RPL3: variants seen among roughly 807,000 people sequenced by gnomAD.
RPL3 encodes ribosomal protein L3.
A neutral mutation model predicts 46.0 loss-of-function variants in RPL3; 3 were observed. The ratio of observed to expected loss-of-function variants is 0.07; its 90% CI spans 0.03 to 0.17. The LOEUF (loss-of-function observed/expected upper bound fraction) is 0.17, where lower values mean the gene tolerates loss of function less well. Ranked by LOEUF, RPL3 falls within the 10% of genes least tolerant of loss-of-function variation. The pLI, the probability that RPL3 is intolerant of heterozygous loss-of-function variation, is 1.00. For missense variants in RPL3, 387 were observed against 532.7 expected, an observed-to-expected ratio of 0.73 and a Z score of 2.69; for synonymous variants, 224 against 190.8, an observed-to-expected ratio of 1.17 and a Z score of -1.43.
intron 2 of RPL3, chr22:39,318,112 C>A: frequency 2.4e-6 from 1 of 421,316 alleles, no homozygotes; most frequent in Non-Finnish European, 4.3e-6. Flanking sequence ...CAGCTCCAAC[C>A]CCCCACACTA....
chr22:39,317,014 G>A (rs537618156), intron 3 of RPL3, 173 bp from the exon 4 acceptor site: 36 of 901,168 alleles, frequency 4.0e-5, no homozygotes, highest in South Asian at 1.6e-4. Context: ...GGGCAGAGCC[G>A]AGCGGAGCTG....
rs1331366022 is a variant in RPL3, at chr22:39,315,668, ACT to A, written c.502-115_502-114del. ...TCAAGCACACGGCAAAAAGCCAGTA[ACT>A]CTGAACAAGTCACTGAACCTCACCA... On this transcript the variant is annotated intron_variant, in intron 4 of 9. Transcript: ENST00000216146. 25 of 1,258,924 alleles carry A rather than the reference ACT, an allele frequency of 2.0e-5. No homozygotes were observed. The South Asian group carries it at 2.9e-4, about 15-fold the overall frequency. 78.0% of individuals were successfully genotyped at this position (1,258,924 alleles called of 1,614,324 possible).
intron 1 of RPL3, 168 bp downstream of exon 1, chr22:39,319,427 A>G (rs1922911795): frequency 2.2e-6 from 2 of 928,564 alleles, no homozygotes; most frequent in African/African-American, 1.7e-5. Flanking sequence ...CGCTCTTCAC[A>G]AGCCTCTCGA....
At chr22:39,319,366 C>T (rs1007386879) in intron 1 of RPL3, 11 of 626,820 alleles carry the variant, frequency 1.8e-5, no homozygotes, top group Non-Finnish European at 2.9e-5. Context: ...CTGCTCCCAC[C>T]CTTACGGCCT....
At chr22:39,318,795 T>G (rs574886876) in intron 1 of RPL3, among the ~76,000 whole-genome samples, 1 of 152,342 alleles carries the variant, frequency 6.6e-6, no homozygotes, top group South Asian at 2.1e-4. Flanking sequence ...AAGCTGAATC[T>G]TATTTCAAAT....
At position 39,313,609 on chromosome 22, in the gene RPL3, C is replaced by A. The variant is rs745499374; in HGVS notation, c.1047+25G>T. 8.1e-6 allele frequency: 13 copies of A among 1,606,588 alleles called. No homozygotes were observed. The South Asian group carries it at 1.2e-4, about 15-fold the overall frequency. On this transcript the variant is annotated intron_variant, in intron 8 of 9. Coordinates refer to ENST00000216146, the MANE Select transcript of RPL3 (RefSeq NM_000967.4). ...GATCCTCCCTCTACAAGAGCCCCCC[C>A]ATGACAAGTCAGGACCTGCCTCACC...
intron 4 of RPL3, among the ~76,000 whole-genome samples, chr22:39,316,337 G>A (rs561712456): frequency 4.6e-5 from 7 of 152,160 alleles, no homozygotes; most frequent in South Asian, 2.1e-4. Context: ...ACTCTCATCC[G>A]TGGTGGCCCT....
rs770940650 is a variant in RPL3 at position 39,313,747 on chromosome 22, G to C, written c.952-18C>G. 3 of 1,610,158 alleles carry C rather than the reference G, an allele frequency of 1.9e-6. No homozygotes were observed. Among genetic ancestry groups the C allele is most frequent in the Non-Finnish European group, 2.5e-6 (3 of 1,177,516 alleles). ...AAGCCACCCTGGAAAACGAGCATCGGATCAGCACAGGCCCAGGAGGGGATT... is the reference window on the plus strand; with the variant it reads ...AAGCCACCCTGGAAAACGAGCATCGCATCAGCACAGGCCCAGGAGGGGATT... On this transcript the variant is annotated intron_variant, in intron 7 of 9. Coordinates refer to ENST00000216146, the MANE Select transcript of RPL3 (RefSeq NM_000967.4).
intron 8 of RPL3, 159 bp downstream of exon 8, chr22:39,313,475 G>T: frequency 7.7e-7 from 1 of 1,294,914 alleles, no homozygotes; most frequent in South Asian, 1.3e-5. Context: ...AGCAAGGCCA[G>T]ACTGGGAATT....
In RPL3 at chr22:39,314,698, C is replaced by G. The variant is rs771979459; in HGVS notation, c.837G>C (p.Glu279Asp). ...AGQKGYHHRT[E>D]INKKIYKIGQ... Reference sequence around the variant, plus strand: ...CTCAGAACCTCACCTTCTTGTTGATCTCAGTGCGGTGATGGTAGCCTTTCT... The same window carrying G: ...CTCAGAACCTCACCTTCTTGTTGATGTCAGTGCGGTGATGGTAGCCTTTCT... The change falls in exon 6 of 10, where the codon GAG (glutamate) becomes GAC (aspartate). Residue 279 changes from glutamate (E) to aspartate (D), a missense_variant. Around this residue, in one of 5 missense-constraint regions of RPL3, gnomAD observed 131 missense variants for 185.1 expected, o/e 0.71. Coordinates refer to ENST00000216146, the MANE Select transcript of RPL3 (RefSeq NM_000967.4). 1.3e-5 allele frequency: 21 copies of G among 1,612,788 alleles called. No individual in the cohort carries two copies. In the South Asian group the frequency reaches 2.2e-4, roughly 17 times the overall value.
At chr22:39,319,096 A>G (rs112548628) in intron 1 of RPL3, 56 of 538,118 alleles carry the variant, frequency 1.0e-4, no homozygotes, top group African/African-American at 4.4e-4. Flanking sequence ...CCGCCCGTCA[A>G]TAAGTTCATC....
At chr22:39,318,165 G>A in intron 2 of RPL3, 1 of 506,580 alleles carries the variant, frequency 2.0e-6, no homozygotes, top group East Asian at 3.6e-5. Flanking sequence ...AATTTACTAT[G>A]CTCTGAAATC....
intron 2 of RPL3, 101 bp downstream of exon 2, chr22:39,318,299 A>T (rs997541411): frequency 8.3e-6 from 7 of 845,470 alleles, no homozygotes; most frequent in African/African-American, 3.6e-5. Flanking sequence ...ACTCCTGCTT[A>T]AAAAAAAAAG....
intron 9 of RPL3, 33 bp from the exon 10 acceptor site, chr22:39,313,017 A>G: frequency 6.2e-7 from 1 of 1,614,002 alleles, no homozygotes; most frequent in African/African-American, 1.3e-5. Context: ...CAGAGGTAGA[A>G]GATGACAGGT....
In RPL3 at chr22:39,313,988, A is replaced by G. The variant is rs1221344494; in HGVS notation, c.951+119T>C. The G allele has an allele frequency of 6.6e-6, 6 of 910,192 alleles. No homozygotes were observed. In the African/African-American group the frequency reaches 9.8e-5, roughly 15 times the overall value. 56.4% of individuals were successfully genotyped at this position (910,192 alleles called of 1,614,324 possible). A position where few individuals can be genotyped will look rare whatever the true frequency, so the allele number is the denominator to read the frequency against. ...TGACAACATGCCACTTACAAGGGACACAGCTAGGTGTTGTGTTGGCTTCAG... is the reference window on the plus strand; with the variant it reads ...TGACAACATGCCACTTACAAGGGACGCAGCTAGGTGTTGTGTTGGCTTCAG... On this transcript the variant is annotated intron_variant, in intron 7 of 9. Transcript: ENST00000216146.
At chr22:39,317,115 C>T (rs1922751416) in intron 3 of RPL3, 1 of 603,852 alleles carries the variant, frequency 1.7e-6, no homozygotes, top group African/African-American at 1.9e-5. Flanking sequence ...GAAGCCCACT[C>T]AGTGATGAAG....
intron 6 of RPL3, 29 bp from the exon 7 acceptor site, chr22:39,314,237 G>A (rs2146511422): frequency 1.9e-6 from 3 of 1,591,110 alleles, no homozygotes; most frequent in Non-Finnish European, 2.6e-6. Flanking sequence ...TGTAAGGCTG[G>A]GGCATTAGGG....
At chr22:39,317,777 C>T (rs1365740169) in intron 2 of RPL3, 148 bp from the exon 3 acceptor site, 5 of 783,734 alleles carry the variant, frequency 6.4e-6, no homozygotes, top group Middle Eastern at 2.6e-4. Context: ...TCCTTACTGC[C>T]TATCTCTCAT....
intron 6 of RPL3, 140 bp from the exon 7 acceptor site, chr22:39,314,348 A>C (rs1922547154): frequency 1.4e-6 from 1 of 738,454 alleles, no homozygotes; most frequent in Admixed American, 2.6e-5. Flanking sequence ...TCAGAGCAAA[A>C]AGCTGGCTGG....
Sources: allele counts gnomAD v4.1 joint callset (sites outside exome capture counted in the v4.1 genomes callset), GRCh38; gene constraint gnomAD v4.1.1; regional missense constraint gnomAD v4.1.1; transcripts MANE v1.5; gene names NCBI Gene and HGNC (gene_info 2026-07-23, HGNC 2026-07-21).